The following RORA variants were observed in gnomAD, a reference collection of about 807,000 sequenced individuals.
RORA encodes the protein nuclear receptor ROR-alpha.
A neutral mutation model predicts 69.5 loss-of-function variants in RORA; 7 were observed. The ratio of observed to expected loss-of-function variants is 0.10; its 90% CI spans 0.06 to 0.19. The LOEUF is 0.19. RORA is among the 10% of genes least tolerant of loss of function. The pLI, the probability that RORA is intolerant of heterozygous loss-of-function variation, is 1.00. For synonymous variants in RORA, 261 were observed against 240.8 expected, an observed-to-expected ratio of 1.08 and a Z score of -0.78; for missense variants, 457 against 663.0, an observed-to-expected ratio of 0.69 and a Z score of 3.41.
At chr15:61,039,968 C>G (rs1016921423) in intron 1 of RORA, among the ~76,000 whole-genome samples, 1 of 150,982 alleles carries the variant, frequency 6.6e-6, no homozygotes, top group Non-Finnish European at 1.5e-5. Context: ...CATTGGTTAA[C>G]TAATGCTATT....
intron 1 of RORA, among the ~76,000 whole-genome samples, chr15:60,869,148 G>A (rs778936705): frequency 1.3e-5 from 2 of 152,158 alleles, no homozygotes; most frequent in Admixed American, 1.3e-4. Flanking sequence ...TATTTTGGCT[G>A]AAATGACCAT....
intron 1 of RORA, among the ~76,000 whole-genome samples, chr15:61,111,043 C>T (rs1273649021): frequency 1.3e-5 from 2 of 151,786 alleles, no homozygotes; most frequent in Non-Finnish European, 2.9e-5. Flanking sequence ...GTAGACCTCC[C>T]CCAAAAAAGG....
intron 2 of RORA, among the ~76,000 whole-genome samples, chr15:60,552,488 C>T (rs1213027972): frequency 1.3e-5 from 2 of 152,188 alleles, no homozygotes; most frequent in Non-Finnish European, 2.9e-5. Flanking sequence ...GAGCAGGAAC[C>T]TGTCATTCTT....
chr15:60,626,009 C>T (rs1163003405), intron 2 of RORA, among the ~76,000 whole-genome samples: 1 of 152,208 alleles, frequency 6.6e-6, no homozygotes, highest in Admixed American at 6.5e-5. Flanking sequence ...CTTCAGAGCT[C>T]CCACGTTCTT....
intron 1 of RORA, among the ~76,000 whole-genome samples, chr15:60,803,475 C>T (rs1221851511): frequency 6.6e-6 from 1 of 152,148 alleles, no homozygotes; most frequent in Non-Finnish European, 1.5e-5. Flanking sequence ...AGAGGAGGTC[C>T]CTGCATGCAA....
intron 1 of RORA, among the ~76,000 whole-genome samples, chr15:60,777,363 G>A (rs1334848550): frequency 2.0e-5 from 3 of 152,176 alleles, no homozygotes; most frequent in Non-Finnish European, 4.4e-5. Context: ...ACGAGACCCT[G>A]GTTACAGTCC....
intron 1 of RORA, chr15:61,195,882 C>A (rs1474630970): frequency 6.6e-6 from 1 of 152,238 alleles, no homozygotes; most frequent in Non-Finnish European, 1.5e-5. Flanking sequence ...GAGGCCACAT[C>A]CCACGAGTGT....
intron 2 of RORA, among the ~76,000 whole-genome samples, chr15:60,603,501 A>T (rs2068868021): frequency 6.6e-6 from 1 of 152,220 alleles, no homozygotes; most frequent in South Asian, 2.1e-4. Flanking sequence ...AGTTCCCAGG[A>T]ACACTGAATT....
chr15:61,198,399 C>T (rs547725006), intron 1 of RORA, among the ~76,000 whole-genome samples: 42 of 152,168 alleles, frequency 2.8e-4, no homozygotes, highest in African/African-American at 1.0e-3. Context: ...TCATCTTTGT[C>T]ATATCCACAT....
At chr15:60,871,964 C>G (rs1348257990) in intron 1 of RORA, among the ~76,000 whole-genome samples, 1 of 152,190 alleles carries the variant, frequency 6.6e-6, no homozygotes, top group Non-Finnish European at 1.5e-5. Context: ...TATGCAGAAA[C>G]TCTCTGCATT....
intron 1 of RORA, among the ~76,000 whole-genome samples, chr15:61,135,578 CAAAAAAAAAA>C (rs11453914): frequency 8.9e-6 from 1 of 112,314 alleles, no homozygotes; most frequent in Non-Finnish European, 1.7e-5. Flanking sequence ...ATTTCCACAT[CAAAAAAAAAA>C]AAAAAAAAAA....
Position 60,491,619 on chromosome 15 carries a change from C to G in RORA, c.*5836G>C, listed in dbSNP as rs2065042322. On this transcript the variant is annotated 3_prime_UTR_variant, in exon 11 of 11. Coordinates refer to ENST00000335670, the MANE Select transcript of RORA (RefSeq NM_134261.3). ...GGTTTGGTTGAACATGGAGATCCCC[C>G]CCGCCCATCTAGGATGGCTACTTGG... 1 of 151,108 alleles carries G rather than the reference C, an allele frequency of 6.6e-6. No homozygotes were observed. The highest frequency in any genetic ancestry group is 1.5e-5 in the Non-Finnish European group (1 of 67,854). The allele number at this position is 151,108 out of a possible 1,614,324, so 9.4% of individuals were successfully genotyped here.
At chr15:61,005,188 A>G (rs1382277037) in intron 1 of RORA, among the ~76,000 whole-genome samples, 1 of 152,220 alleles carries the variant, frequency 6.6e-6, no homozygotes, top group Non-Finnish European at 1.5e-5. Flanking sequence ...TGTGATTAAA[A>G]GTTATGCTTG....
At chr15:60,503,231 CTT>C (rs2065385560) in intron 7 of RORA, among the ~76,000 whole-genome samples, 2 of 152,314 alleles carry the variant, frequency 1.3e-5, no homozygotes, top group Non-Finnish European at 2.9e-5. Context: ...CTACTTTCTT[CTT>C]CCTAACATCA....
chr15:60,557,371 G>A (rs192371000), intron 2 of RORA, among the ~76,000 whole-genome samples: 9 of 152,316 alleles, frequency 5.9e-5, no homozygotes, highest in Admixed American at 5.2e-4. Context: ...TGACACATGT[G>A]GTTTGGCCTT....
chr15:61,223,731 G>A (rs766792289), intron 1 of RORA, among the ~76,000 whole-genome samples: 4 of 152,174 alleles, frequency 2.6e-5, no homozygotes, highest in South Asian at 2.1e-4. Context: ...GGACTAGTAC[G>A]TTTAGAAAAC....
At chr15:60,679,055 A>G (rs2070600148) in intron 1 of RORA, among the ~76,000 whole-genome samples, 1 of 152,170 alleles carries the variant, frequency 6.6e-6, no homozygotes, top group Non-Finnish European at 1.5e-5. Flanking sequence ...ATGCCAGCCT[A>G]CTCAGACCAG....
intron 1 of RORA, among the ~76,000 whole-genome samples, chr15:60,897,302 A>G (rs1222893565): frequency 6.6e-6 from 1 of 152,116 alleles, no homozygotes; most frequent in Non-Finnish European, 1.5e-5. Flanking sequence ...AGGGCCTTTC[A>G]CTCATTATCT....
chr15:60,586,655 A>G (rs893604588), intron 2 of RORA, among the ~76,000 whole-genome samples: 2 of 152,180 alleles, frequency 1.3e-5, no homozygotes, highest in Non-Finnish European at 2.9e-5. Flanking sequence ...GGAGTAACCT[A>G]CCTTTAAAGA....
Sources: gnomAD v4.1 joint callset for allele counts (sites outside exome capture counted in the v4.1 genomes callset) on GRCh38, gnomAD v4.1.1 for gene constraint, MANE v1.5 for transcripts, NCBI Gene and HGNC (gene_info 2026-07-23, HGNC 2026-07-21) for gene names.